The following MTUS2 variants were observed in gnomAD, a reference collection of about 807,000 sequenced individuals.
MTUS2 encodes microtubule associated scaffold protein 2, also known as microtubule-associated tumor suppressor candidate 2.
In MTUS2, 40 loss-of-function variants were observed where a neutral mutation model predicts 114.1. The ratio of observed to expected loss-of-function variants is 0.35; its 90% CI spans 0.27 to 0.46. MTUS2 has a LOEUF of 0.46. Ranked by LOEUF, MTUS2 falls within the 20% of genes least tolerant of loss-of-function variation. The pLI, the probability that MTUS2 is intolerant of heterozygous loss-of-function variation, is 1.00. For synonymous variants in MTUS2, 688 were observed against 672.0 expected, an observed-to-expected ratio of 1.02 and a Z score of -0.37; for missense variants, 1,679 against 1,705.4, an observed-to-expected ratio of 0.98 and a Z score of 0.27.
chr13:29,477,189 C>G (rs1423204670), intron 9 of MTUS2, among the ~76,000 whole-genome samples: 1 of 152,174 alleles, frequency 6.6e-6, no homozygotes, highest in African/African-American at 2.4e-5. Flanking sequence ...AGATAAAATT[C>G]TTGCTTCTCT....
At chr13:29,061,138 G>T (rs954990820) in intron 4 of MTUS2, among the ~76,000 whole-genome samples, 5 of 152,104 alleles carry the variant, frequency 3.3e-5, no homozygotes, top group Non-Finnish European at 4.4e-5. Context: ...TGGACATTGT[G>T]AATTTTATCT....
intron 2 of MTUS2, among the ~76,000 whole-genome samples, chr13:28,918,438 A>G (rs1458714035): frequency 6.6e-6 from 1 of 152,002 alleles, no homozygotes; most frequent in Non-Finnish European, 1.5e-5. Context: ...GTCTCTTCTT[A>G]CAGTTTTTGT....
Position 28,840,893 on chromosome 13 carries a change from T to C in MTUS2, c.-243+1043T>C, listed in dbSNP as rs577231967. On this transcript the variant is annotated intron_variant, in intron 2 of 15. Coordinates refer to ENST00000612955, the MANE Select transcript of MTUS2 (RefSeq NM_001033602.4). ...GTCCCAAAAGGGTAGCCTGAGCTTT[T>C]TAGGGCTAAAACTGGGAAAGAAACA... Among the ~76,000 whole-genome samples the C allele has an allele frequency of 9.3e-4, 142 of 152,334 alleles. 1 individual carries two copies. In the South Asian group the frequency reaches 9.7e-3, roughly 10 times the overall value.
At chr13:29,221,331 C>T (rs981049778) in intron 5 of MTUS2, among the ~76,000 whole-genome samples, 4 of 152,222 alleles carry the variant, frequency 2.6e-5, no homozygotes, top group African/African-American at 9.6e-5. Flanking sequence ...AAAGTATTTT[C>T]CAATTAACAT....
At chr13:29,451,558 T>G (rs539083992) in intron 9 of MTUS2, among the ~76,000 whole-genome samples, 1 of 152,114 alleles carries the variant, frequency 6.6e-6, no homozygotes, top group Admixed American at 6.5e-5. Context: ...AAAGAAGGTT[T>G]AGATTTAGTA....
At chr13:29,148,686 G>C (rs9551606) in intron 5 of MTUS2, among the ~76,000 whole-genome samples, 14,925 of 76,772 alleles carry the variant, frequency 0.19, 3,511 homozygotes, top group African/African-American at 0.28. Flanking sequence ...CACCGTTTTA[G>C]CCGGGATGGT....
At chr13:28,963,789 C>T (rs78049427) in intron 2 of MTUS2, among the ~76,000 whole-genome samples, 1,650 of 152,302 alleles carry the variant, frequency 0.011, 36 homozygotes, top group African/African-American at 0.038. Context: ...CCAGAACTTT[C>T]ATTTGGCAGC....
At chr13:29,012,313 G>A (rs186392432) in intron 2 of MTUS2, among the ~76,000 whole-genome samples, 51 of 152,160 alleles carry the variant, frequency 3.4e-4, no homozygotes, top group African/African-American at 4.8e-4. Flanking sequence ...GCCCACTCCC[G>A]GGAATCAGCT....
chr13:29,163,991 C>T (rs1893210161), intron 5 of MTUS2, among the ~76,000 whole-genome samples: 2 of 152,144 alleles, frequency 1.3e-5, no homozygotes, highest in Admixed American at 1.3e-4. Flanking sequence ...GAAAACTCTG[C>T]TACACGCCCT....
At chr13:29,190,882 A>G (rs1894419774) in intron 5 of MTUS2, among the ~76,000 whole-genome samples, 1 of 152,126 alleles carries the variant, frequency 6.6e-6, no homozygotes, top group Non-Finnish European at 1.5e-5. Flanking sequence ...ATAGTAGTGA[A>G]CTTGGGCAAC....
At chr13:29,312,387 A>G (rs1029033874) in intron 6 of MTUS2, among the ~76,000 whole-genome samples, 1 of 152,260 alleles carries the variant, frequency 6.6e-6, no homozygotes, top group Non-Finnish European at 1.5e-5. Context: ...AGCTCTTTCA[A>G]GAAAATGATA....
At chr13:28,931,152 T>C (rs1339324462) in intron 2 of MTUS2, among the ~76,000 whole-genome samples, 1 of 152,240 alleles carries the variant, frequency 6.6e-6, no homozygotes, top group Non-Finnish European at 1.5e-5. Flanking sequence ...ACTTTGGGCA[T>C]GGCCCCGTGA....
intron 4 of MTUS2, among the ~76,000 whole-genome samples, chr13:29,057,251 A>G (rs979446354): frequency 6.6e-6 from 1 of 152,080 alleles, no homozygotes; most frequent in Non-Finnish European, 1.5e-5. Context: ...TGCCATGTGC[A>G]GAAGAGAAGA....
At chr13:29,406,451 C>T (rs942511427) in intron 8 of MTUS2, among the ~76,000 whole-genome samples, 1 of 152,202 alleles carries the variant, frequency 6.6e-6, no homozygotes, top group African/African-American at 2.4e-5. Context: ...GAACTGGAGG[C>T]TTCAATTCCT....
chr13:29,092,013 T>C (rs1889975381), intron 4 of MTUS2, among the ~76,000 whole-genome samples: 1 of 152,224 alleles, frequency 6.6e-6, no homozygotes, highest in South Asian at 2.1e-4. Context: ...GTAGCCACCC[T>C]GAAGAGGTAA....
chr13:29,046,722 C>A (rs1369416897), intron 4 of MTUS2, among the ~76,000 whole-genome samples: 1 of 104,578 alleles, frequency 9.6e-6, no homozygotes, highest in Non-Finnish European at 1.9e-5. Context: ...TAGTACCCCT[C>A]CCCCACCTCC....
intron 5 of MTUS2, among the ~76,000 whole-genome samples, chr13:29,153,189 A>C (rs1892727480): frequency 6.6e-6 from 1 of 152,246 alleles, no homozygotes; most frequent in Non-Finnish European, 1.5e-5. Context: ...GGCTCTTGAC[A>C]CTTCAGTCCA....
chr13:28,910,000 A>G (rs1326071200), intron 2 of MTUS2, among the ~76,000 whole-genome samples: 1 of 152,204 alleles, frequency 6.6e-6, no homozygotes, highest in Non-Finnish European at 1.5e-5. Context: ...AAAATGGGGT[A>G]TCCGTTCCTT....
intron 2 of MTUS2, among the ~76,000 whole-genome samples, chr13:28,927,458 C>T (rs1028151385): frequency 2.0e-5 from 3 of 152,050 alleles, no homozygotes; most frequent in Non-Finnish European, 4.4e-5. Context: ...CCCAGCTGCT[C>T]AGGAGGCTGA....
Sources: allele counts gnomAD v4.1 joint callset (sites outside exome capture counted in the v4.1 genomes callset), GRCh38; gene constraint gnomAD v4.1.1; transcripts MANE v1.5; gene names NCBI Gene and HGNC (gene_info 2026-07-23, HGNC 2026-07-21).